Variants in ZNF624 observed in about 807,000 individuals in gnomAD.
ZNF624 encodes the protein zinc finger protein 624.
Under a neutral mutation model 74.7 loss-of-function variants are expected in ZNF624, and 43 were observed. The observed-to-expected ratio is 0.58, with a 90% CI of 0.45 to 0.74. ZNF624 has a LOEUF of 0.74. Among genes scored for constraint, ZNF624 ranks in the 30% least tolerant of loss-of-function variants. The probability of loss-of-function intolerance (pLI) is 0.00; values close to 1 mark genes in which losing one functional copy is unlikely to be tolerated. For synonymous variants in ZNF624, 331 were observed against 341.3 expected, an observed-to-expected ratio of 0.97 and a Z score of 0.33; for missense variants, 820 against 1,030.0, an observed-to-expected ratio of 0.80 and a Z score of 2.79.
Position 16,623,974 on chromosome 17 carries a change from A to G in ZNF624, c.912T>C (p.Tyr304=), listed in dbSNP as rs760601842. 6.2e-7 allele frequency: 1 copy of G among 1,613,832 alleles called. No individual in the cohort carries two copies. The highest frequency in any genetic ancestry group is 1.3e-5 in the African/African-American group (1 of 74,924). Residue 304 remains tyrosine, a synonymous_variant, in exon 6 of 6, where the codon TAT becomes TAC. Transcript: ENST00000311331. This position sits in a 1 kb window ranked among gnomAD's most constrained non-coding sequence, Gnocchi z 5.3. ...ATGTTTTCCCACATTCATTACATTC[A>G]TAAGGTTTTTCTTTAGTATGAGTTC... ...HQRTHTKEKP[Y]ECNECGKTFS...
chr17:16,617,929 G>C, downstream of ZNF624: 1 of 1,227,910 alleles, frequency 8.1e-7, no homozygotes, highest in Non-Finnish European at 1.2e-6. Flanking sequence ...ACGGCGGACC[G>C]CAAGCCAGTA....
intron 3 of ZNF624, among the ~76,000 whole-genome samples, chr17:16,639,929 T>A (rs970901754): frequency 1.3e-5 from 2 of 152,090 alleles, no homozygotes; most frequent in Non-Finnish European, 2.9e-5. Context: ...CATGGACCCA[T>A]ACACAGTAAA....
downstream of ZNF624, chr17:16,616,745 A>T (rs1908799098): frequency 4.4e-6 from 3 of 682,700 alleles, no homozygotes. Context: ...CCTGTTTTCA[A>T]GAGATTCCTC....
chr17:16,642,962 A>G (rs1318735462), intron 3 of ZNF624, among the ~76,000 whole-genome samples: 2 of 152,198 alleles, frequency 1.3e-5, no homozygotes, highest in African/African-American at 2.4e-5. Flanking sequence ...AGTCTCTAAG[A>G]TACAGTAAGC....
chr17:16,617,394 C>T, downstream of ZNF624: 2 of 1,613,410 alleles, frequency 1.2e-6, no homozygotes, highest in Non-Finnish European at 1.7e-6. Flanking sequence ...CCAGTTTGTC[C>T]AAAGCACGCT....
downstream of ZNF624, among the ~76,000 whole-genome samples, chr17:16,620,296 ACTTCCAAGCC>A (rs1433424790): frequency 6.6e-6 from 1 of 152,050 alleles, no homozygotes; most frequent in Admixed American, 6.5e-5. Flanking sequence ...TGTTCCCAGA[ACTTCCAAGCC>A]CTCATTTATA....
At chr17:16,647,265 G>A (rs8074987) in intron 3 of ZNF624, 64 bp downstream of exon 3, 1 of 1,337,954 alleles carries the variant, frequency 7.5e-7, no homozygotes, top group Non-Finnish European at 1.1e-6. Context: ...GGAACATTGA[G>A]AATCAGAGGC....
chr17:16,630,739 A>C (rs992593772), intron 5 of ZNF624, among the ~76,000 whole-genome samples: 2 of 152,188 alleles, frequency 1.3e-5, no homozygotes, highest in Non-Finnish European at 2.9e-5. Context: ...CTTTTAAGAA[A>C]TGAGATACTT....
chr17:16,617,223 T>A (rs1908809205), downstream of ZNF624: 2 of 1,612,620 alleles, frequency 1.2e-6, no homozygotes, highest in Non-Finnish European at 1.7e-6. Context: ...AGCGACTTTT[T>A]GAGACACTTC....
Position 16,624,160 on chromosome 17 carries a change from A to G in ZNF624, c.726T>C (p.His242=), listed in dbSNP as rs146022565. The change falls in exon 6 of 6, where the codon CAT becomes CAC. Residue 242 remains histidine (H), a synonymous_variant. Coordinates refer to ENST00000311331, the MANE Select transcript of ZNF624 (RefSeq NM_020787.4). ...TCTCCTTGCAAATTATCTTCCCCAA[A>G]TGGGTATCTGTAATCAAATTTAAAT... is the stretch of plus-strand genomic sequence containing the variant. ...TENLNLITDT[H]LGKIICKEMK... 6.2e-7 allele frequency: 1 copy of G among 1,614,018 alleles called. No homozygotes were observed. The highest frequency in any genetic ancestry group is 2.2e-5 in the East Asian group (1 of 44,864).
downstream of ZNF624, chr17:16,620,729 A>C (rs566726979): frequency 7.1e-4 from 108 of 152,350 alleles, no homozygotes; most frequent in African/African-American, 2.5e-3. Context: ...AATAAAACGC[A>C]CAACGAAAAT....
chr17:16,649,822 T>A (rs1909678530), intron 1 of ZNF624, 76 bp from the exon 2 acceptor site: 5 of 1,182,452 alleles, frequency 4.2e-6, no homozygotes, highest in African/African-American at 1.5e-5. Context: ...AATCCTGACA[T>A]ACAAGTGAGC....
At chr17:16,643,358 A>C (rs1909511453) in intron 3 of ZNF624, among the ~76,000 whole-genome samples, 4 of 152,240 alleles carry the variant, frequency 2.6e-5, no homozygotes, top group Admixed American at 1.3e-4. Flanking sequence ...AAAAGGAATA[A>C]AGTACTGACA....
chr17:16,639,853 A>G (rs2142627886), intron 3 of ZNF624, among the ~76,000 whole-genome samples: 1 of 152,358 alleles, frequency 6.6e-6, no homozygotes, highest in South Asian at 2.1e-4. Flanking sequence ...TTGCCACATT[A>G]TATTATTTAA....
chr17:16,644,235 G>T (rs946283124), intron 3 of ZNF624, among the ~76,000 whole-genome samples: 1 of 151,978 alleles, frequency 6.6e-6, no homozygotes, highest in Non-Finnish European at 1.5e-5. Flanking sequence ...CCCACTCTTG[G>T]GTATGCCTTT....
chr17:16,639,089 C>G (rs563211577), intron 3 of ZNF624, among the ~76,000 whole-genome samples: 3 of 152,168 alleles, frequency 2.0e-5, no homozygotes, highest in South Asian at 4.1e-4. Context: ...AGATTCAAAT[C>G]CAAGCAGTCT....
chr17:16,617,669 C>CGGG, downstream of ZNF624: 1 of 1,606,318 alleles, frequency 6.2e-7, no homozygotes, highest in South Asian at 1.1e-5. Flanking sequence ...GACGCGGGCC[C>CGGG]CGGGCGTGCT....
chr17:16,618,201 CG>C (rs1908831721), downstream of ZNF624, among the ~76,000 whole-genome samples: 1 of 151,800 alleles, frequency 6.6e-6, no homozygotes, highest in Non-Finnish European at 1.5e-5. Flanking sequence ...AAAAATTAGC[CG>C]GGTGTGGTGG....
chr17:16,644,418 A>C (rs1308636510), intron 3 of ZNF624, among the ~76,000 whole-genome samples: 1 of 152,218 alleles, frequency 6.6e-6, no homozygotes, highest in Non-Finnish European at 1.5e-5. Context: ...TAGGGAGCTA[A>C]AAGAGTACCC....
Sources: allele counts gnomAD v4.1 joint callset (sites outside exome capture counted in the v4.1 genomes callset), GRCh38; gene constraint gnomAD v4.1.1; non-coding constraint Gnocchi (gnomAD v3.1); transcripts MANE v1.5; gene names NCBI Gene and HGNC (gene_info 2026-07-23, HGNC 2026-07-21).